Variants in C4orf17 observed in about 807,000 individuals in gnomAD.
C4orf17 encodes the protein chromosome 4 open reading frame 17, also known as uncharacterized protein C4orf17.
In C4orf17, 25 loss-of-function variants were observed where a neutral mutation model predicts 32.0. The observed-to-expected ratio is 0.78, with a 90% CI of 0.57 to 1.09. The LOEUF (loss-of-function observed/expected upper bound fraction) is 1.09, where lower values mean the gene tolerates loss of function less well. Ranked by LOEUF, C4orf17 falls within the 50% of genes least tolerant of loss-of-function variation. The pLI, the probability that C4orf17 is intolerant of heterozygous loss-of-function variation, is 0.00. For missense variants in C4orf17, 420 were observed against 420.0 expected (o/e 1.00, Z 0.00); for synonymous variants, 149 against 145.8 (o/e 1.02, Z -0.16).
intron 2 of C4orf17, among the ~76,000 whole-genome samples, chr4:99,514,995 C>T (rs1723154612): frequency 6.6e-6 from 1 of 151,886 alleles, no homozygotes; most frequent in African/African-American, 2.4e-5. Flanking sequence ...AGTGAAGTAA[C>T]TCAGGAATGG....
chr4:99,529,285 G>GTA (rs1287672674), intron 4 of C4orf17, among the ~76,000 whole-genome samples: 1 of 152,182 alleles, frequency 6.6e-6, no homozygotes, highest in African/African-American at 2.4e-5. Flanking sequence ...ATTGCAAACA[G>GTA]TATACTTACC....
chr4:99,539,595 T>C (rs1287194265), intron 7 of C4orf17, among the ~76,000 whole-genome samples: 1 of 152,232 alleles, frequency 6.6e-6, no homozygotes, highest in African/African-American at 2.4e-5. Context: ...GTCTTTCTTA[T>C]CTGGTAACCT....
intron 4 of C4orf17, among the ~76,000 whole-genome samples, chr4:99,525,055 G>C (rs938051100): frequency 4.2e-4 from 64 of 152,070 alleles, no homozygotes; most frequent in Non-Finnish European, 4.3e-4. Context: ...CAATTGTATG[G>C]TTATCCTACA....
chr4:99,528,578 A>T (rs59702776), intron 4 of C4orf17, among the ~76,000 whole-genome samples: 25,342 of 152,152 alleles, frequency 0.17, 2,639 homozygotes, highest in East Asian at 0.44. Flanking sequence ...GACATATCCA[A>T]GACTGGGTAA....
At chr4:99,536,115 G>T (rs1406199906) in intron 5 of C4orf17, 1 of 355,048 alleles carries the variant, frequency 2.8e-6, no homozygotes, top group South Asian at 2.3e-5. Context: ...TCCATCCTAG[G>T]GGGGTACTGA....
chr4:99,542,126 G>A lies in C4orf17; in HGVS notation c.*17G>A. The A allele has an allele frequency of 1.3e-6, 2 of 1,597,630 alleles. No homozygotes were observed. The highest frequency in any genetic ancestry group is 1.7e-5 in the Admixed American group (1 of 59,520). On this transcript the variant is annotated 3_prime_UTR_variant, in exon 9 of 9. Coordinates refer to ENST00000326581, the MANE Select transcript of C4orf17 (RefSeq NM_032149.3). ...CGGAGGTAGAAGTTCTAGACTGGGT[G>A]AATTCTTTCATGAATATGAGCTTCA...
chr4:99,539,160 C>G lies in C4orf17; in HGVS notation c.629-3C>G, dbSNP rs754195565. The G allele has an allele frequency of 6.2e-7, 1 of 1,613,148 alleles. No homozygotes were observed. Among genetic ancestry groups the G allele is most frequent in the Non-Finnish European group, 8.5e-7 (1 of 1,179,352 alleles). On this transcript the variant is annotated splice_region_variant and splice_polypyrimidine_tract_variant and intron_variant, in intron 6 of 8. Transcript: ENST00000326581. ...TCCCACCCTTTTTTGTCTTTTAAAC[C>G]AGAAAAAGAGTGGGTCTCAGCTTTG...
chr4:99,514,526 G>A (rs1418157098), intron 2 of C4orf17, among the ~76,000 whole-genome samples: 1 of 152,062 alleles, frequency 6.6e-6, no homozygotes, highest in African/African-American at 2.4e-5. Context: ...CTAATTATCA[G>A]GGAAATGCAA....
At chr4:99,528,605 A>G (rs943044828) in intron 4 of C4orf17, among the ~76,000 whole-genome samples, 1 of 152,184 alleles carries the variant, frequency 6.6e-6, no homozygotes, top group African/African-American at 2.4e-5. Context: ...AGGAAAAGAG[A>G]TTTAATTGAC....
intron 1 of C4orf17, among the ~76,000 whole-genome samples, chr4:99,511,955 A>C (rs928740623): frequency 2.0e-5 from 3 of 152,178 alleles, no homozygotes; most frequent in African/African-American, 7.2e-5. Flanking sequence ...TGAAAACCAG[A>C]TATTCTGTGG....
At chr4:99,539,064 C>CCAGT in intron 6 of C4orf17, 99 bp from the exon 7 acceptor site, 2 of 1,074,310 alleles carry the variant, frequency 1.9e-6, no homozygotes, top group Non-Finnish European at 2.8e-6. Context: ...AAATAGATGA[C>CCAGT]CAGTCTTTCA....
intron 5 of C4orf17, among the ~76,000 whole-genome samples, chr4:99,534,259 A>T (rs755372043): frequency 1.6e-4 from 25 of 152,110 alleles, no homozygotes; most frequent in Non-Finnish European, 7.3e-5. Context: ...TTCCTTCATT[A>T]GTTGCTGAGG....
chr4:99,526,237 A>G (rs1222164602), intron 4 of C4orf17, among the ~76,000 whole-genome samples: 1 of 152,212 alleles, frequency 6.6e-6, no homozygotes, highest in Non-Finnish European at 1.5e-5. Flanking sequence ...CTGTTTCAGT[A>G]TCTAGCTGAG....
intron 5 of C4orf17, among the ~76,000 whole-genome samples, chr4:99,537,374 A>G (rs1229744607): frequency 6.6e-6 from 1 of 152,168 alleles, no homozygotes; most frequent in Admixed American, 6.5e-5. Flanking sequence ...TGTTGAGGTC[A>G]GGGTCTGCAG....
intron 2 of C4orf17, among the ~76,000 whole-genome samples, chr4:99,521,102 G>A (rs191372576): frequency 9.2e-5 from 14 of 152,146 alleles, no homozygotes; most frequent in Admixed American, 1.3e-4. Context: ...GGCCAGGCAC[G>A]GTGGCTCACG....
chr4:99,518,585 G>A (rs750760390), intron 2 of C4orf17, among the ~76,000 whole-genome samples: 664 of 60,684 alleles, frequency 0.011, 23 homozygotes, highest in African/African-American at 0.039. Flanking sequence ...AGAGAGAGAG[G>A]GAGGGAGACA....
chr4:99,531,273 C>T (rs1206980931), intron 5 of C4orf17, among the ~76,000 whole-genome samples: 1 of 151,970 alleles, frequency 6.6e-6, no homozygotes, highest in African/African-American at 2.4e-5. Context: ...ATCTTCAGTG[C>T]CTAGGTGAGT....
intron 4 of C4orf17, 129 bp from the exon 5 acceptor site, chr4:99,529,686 C>A: frequency 1.5e-6 from 1 of 647,332 alleles, no homozygotes. Context: ...TAAGATAAAA[C>A]TAACCTTTTT....
intron 2 of C4orf17, among the ~76,000 whole-genome samples, chr4:99,515,835 T>G (rs888725028): frequency 6.6e-5 from 10 of 151,066 alleles, no homozygotes; most frequent in Non-Finnish European, 1.3e-4. Context: ...AAACCAAGCT[T>G]TGTTGAAAAA....
Sources: gnomAD v4.1 joint callset for allele counts (sites outside exome capture counted in the v4.1 genomes callset) on GRCh38, gnomAD v4.1.1 for gene constraint, MANE v1.5 for transcripts, NCBI Gene and HGNC (gene_info 2026-07-23, HGNC 2026-07-21) for gene names.